CAMK4: variants seen among roughly 807,000 people sequenced by gnomAD.
CAMK4 encodes the protein calcium/calmodulin-dependent protein kinase type IV.
In CAMK4, 22 loss-of-function variants were observed where a neutral mutation model predicts 44.9. That is an observed-to-expected ratio of 0.49 (90% CI 0.35 to 0.70). The LOEUF is 0.70. Ranked by LOEUF, CAMK4 falls within the 30% of genes least tolerant of loss-of-function variation. The pLI is 0.01. For missense variants in CAMK4, 498 were observed against 586.8 expected (o/e 0.85, Z 1.56); for synonymous variants, 218 against 215.4 (o/e 1.01, Z -0.11).
Position 111,350,187 on chromosome 5 carries a change from A to T in CAMK4, c.240+6085A>T, listed in dbSNP as rs568606442. On this transcript the variant is annotated intron_variant, in intron 2 of 10. Transcript: ENST00000282356. ...AAGAGTATCTAGGTCAGAGTGTTCT[A>T]CTAAAGATTAAAATAAATATTTCCC... is the stretch of plus-strand genomic sequence containing the variant. Among the ~76,000 whole-genome samples, 36 of 152,158 alleles carry T rather than the reference A, an allele frequency of 2.4e-4. No homozygotes were observed. In the South Asian group the frequency reaches 6.0e-3, roughly 25 times the overall value.
intron 2 of CAMK4, 46 bp downstream of exon 2, chr5:111,344,148 C>T: frequency 8.9e-7 from 1 of 1,123,342 alleles, no homozygotes; most frequent in South Asian, 1.3e-5. Flanking sequence ...GGCCTGTGAC[C>T]TGGAGAAGGC....
intron 1 of CAMK4, among the ~76,000 whole-genome samples, chr5:111,231,600 CTGAG>C (rs1748480866): frequency 1.3e-5 from 2 of 152,192 alleles, no homozygotes; most frequent in South Asian, 2.1e-4. Flanking sequence ...TTTGGCTTTA[CTGAG>C]TATCTGCTAC....
chr5:111,382,769 A>G (rs1751465824), intron 4 of CAMK4, among the ~76,000 whole-genome samples: 1 of 152,182 alleles, frequency 6.6e-6, no homozygotes, highest in Admixed American at 6.5e-5. Context: ...AGTATGTCAC[A>G]TTCCAAAGTA....
chr5:111,273,688 T>C (rs1283716861), intron 1 of CAMK4, among the ~76,000 whole-genome samples: 1 of 47,282 alleles, frequency 2.1e-5, no homozygotes, highest in Non-Finnish European at 3.5e-5. Flanking sequence ...TATATATATA[T>C]ATATATATAT....
intron 1 of CAMK4, among the ~76,000 whole-genome samples, chr5:111,239,848 G>T (rs1447101084): frequency 1.3e-5 from 2 of 152,202 alleles, no homozygotes; most frequent in Non-Finnish European, 2.9e-5. Context: ...AAATGCGTTG[G>T]CAGGAGGCCT....
chr5:111,336,423 C>G (rs1292754915), intron 1 of CAMK4, among the ~76,000 whole-genome samples: 1 of 150,826 alleles, frequency 6.6e-6, no homozygotes, highest in Non-Finnish European at 1.5e-5. Flanking sequence ...TGATTGCTTT[C>G]TAAAATTATA....
At chr5:111,400,203 T>TCC (rs1561463503) in intron 5 of CAMK4, among the ~76,000 whole-genome samples, 1 of 152,144 alleles carries the variant, frequency 6.6e-6, no homozygotes, top group African/African-American at 2.4e-5. Context: ...AAAAGAAGCT[T>TCC]TATAAAAATC....
intron 5 of CAMK4, among the ~76,000 whole-genome samples, chr5:111,443,277 TATACACAC>T (rs1282132239): frequency 0.085 from 3,420 of 40,220 alleles, 37 homozygotes; most frequent in Non-Finnish European, 0.11. Context: ...TATATATATA[TATACACAC>T]ACACACACAC....
At chr5:111,317,922 AAAAAAAG>A (rs1748499870) in intron 1 of CAMK4, among the ~76,000 whole-genome samples, 1 of 149,438 alleles carries the variant, frequency 6.7e-6, no homozygotes, top group African/African-American at 2.5e-5. Context: ...AAAAAAAAAA[AAAAAAAG>A]GAAAACAGGA....
At position 111,494,250 on chromosome 5, in the gene CAMK4, C is replaced by CAAGA. The variant is rs899513119; in HGVS notation, c.*9785_*9788dup. 2 of 152,216 alleles carry CAAGA rather than the reference C, an allele frequency of 1.3e-5. No homozygotes were observed. Among genetic ancestry groups the CAAGA allele is most frequent in the African/African-American group, 4.8e-5 (2 of 41,520 alleles). The allele number at this position is 152,216 out of a possible 1,614,324, so 9.4% of individuals were successfully genotyped here. On this transcript the variant is annotated 3_prime_UTR_variant, in exon 11 of 11. Coordinates refer to ENST00000282356, the MANE Select transcript of CAMK4 (RefSeq NM_001744.6). ...TATAAATATTTTAAGTTTACACAAC[C>CAAGA]AAGATTATAGGCTACCTTCCCAACT...
chr5:111,458,111 C>T (rs1393556389), intron 7 of CAMK4, among the ~76,000 whole-genome samples: 1 of 152,168 alleles, frequency 6.6e-6, no homozygotes, highest in African/African-American at 2.4e-5. Flanking sequence ...ATCCATCTCC[C>T]CTCCTGACCA....
At chr5:111,225,406 C>G (rs1008900133) in intron 1 of CAMK4, among the ~76,000 whole-genome samples, 5 of 152,166 alleles carry the variant, frequency 3.3e-5, no homozygotes, top group Admixed American at 3.3e-4. Context: ...CTGCATGATT[C>G]CATATGCTTT....
chr5:111,284,106 C>G (rs571393100), intron 1 of CAMK4, among the ~76,000 whole-genome samples: 1 of 152,174 alleles, frequency 6.6e-6, no homozygotes, highest in East Asian at 1.9e-4. Context: ...TATAGTATCC[C>G]TTCTTTAAAT....
At chr5:111,317,394 G>A (rs191124445) in intron 1 of CAMK4, among the ~76,000 whole-genome samples, 86 of 152,176 alleles carry the variant, frequency 5.7e-4, no homozygotes, top group African/African-American at 1.8e-3. Context: ...TAAAATCACG[G>A]TAAAGCCTAT....
intron 1 of CAMK4, chr5:111,302,666 G>A (rs1747781210): frequency 3.4e-5 from 1 of 29,550 alleles, no homozygotes; most frequent in African/African-American, 2.0e-4. Flanking sequence ...CGAGGCTGGG[G>A]GAGGGGCGCC....
At chr5:111,318,797 G>T (rs141665692) in intron 1 of CAMK4, among the ~76,000 whole-genome samples, 63 of 152,246 alleles carry the variant, frequency 4.1e-4, no homozygotes, top group African/African-American at 1.5e-3. Flanking sequence ...TGAGGATAAT[G>T]AAGATAACAC....
chr5:111,424,693 C>G (rs980254389), intron 5 of CAMK4, among the ~76,000 whole-genome samples: 1 of 151,648 alleles, frequency 6.6e-6, no homozygotes, highest in Admixed American at 6.6e-5. Context: ...GCGATCCGCC[C>G]GCCTTGGCCT....
intron 5 of CAMK4, among the ~76,000 whole-genome samples, chr5:111,409,902 A>T (rs1425359592): frequency 1.3e-5 from 2 of 152,100 alleles, no homozygotes; most frequent in Non-Finnish European, 2.9e-5. Context: ...ATCACTATCA[A>T]CATTTTAGTC....
intron 4 of CAMK4, among the ~76,000 whole-genome samples, chr5:111,394,147 A>T (rs954173446): frequency 2.0e-5 from 3 of 152,180 alleles, no homozygotes. Flanking sequence ...CATGTTTCAG[A>T]CAATTAGAAA....
Sources: allele counts gnomAD v4.1 joint callset (sites outside exome capture counted in the v4.1 genomes callset), GRCh38; gene constraint gnomAD v4.1.1; transcripts MANE v1.5; gene names NCBI Gene and HGNC (gene_info 2026-07-23, HGNC 2026-07-21).